The following SLX9 variants were observed in gnomAD, a reference collection of about 807,000 sequenced individuals.
SLX9 encodes ribosome biogenesis protein SLX9 homolog.
Under a neutral mutation model 20.8 loss-of-function variants are expected in SLX9, and 19 were observed. The observed-to-expected ratio is 0.91, with a 90% CI of 0.64 to 1.34. The LOEUF is 1.34. SLX9 is among the 40% of genes most tolerant of loss of function. The probability of loss-of-function intolerance (pLI) is 0.00; values close to 1 mark genes in which losing one functional copy is unlikely to be tolerated. For missense variants in SLX9, 299 were observed against 322.2 expected (o/e 0.93, Z 0.55); for synonymous variants, 113 against 137.1 (o/e 0.82, Z 1.23).
intron 4 of SLX9, 61 bp from the exon 5 acceptor site, chr21:44,973,136 C>A: frequency 6.3e-7 from 1 of 1,589,728 alleles, no homozygotes; most frequent in Non-Finnish European, 8.6e-7. Context: ...CAGCCTCTGC[C>A]CACGGGAAGG....
intron 3 of SLX9, among the ~76,000 whole-genome samples, chr21:44,964,619 C>T (rs571158358): frequency 4.8e-5 from 7 of 146,044 alleles, no homozygotes; most frequent in South Asian, 4.8e-4. Context: ...GCCCTGTGGG[C>T]GGGAGGGTGG....
intron 2 of SLX9, among the ~76,000 whole-genome samples, chr21:44,947,932 A>G (rs1190787193): frequency 6.6e-6 from 1 of 152,184 alleles, no homozygotes; most frequent in Non-Finnish European, 1.5e-5. Context: ...CAGCTCCTCC[A>G]TGTCCGCTCT....
Position 44,961,672 on chromosome 21 carries a change from G to A in SLX9, c.352+1504G>A, listed in dbSNP as rs192804529. On this transcript the variant is annotated intron_variant, in intron 3 of 5. Transcript: ENST00000291634. ...TATTAAATATTCTGTTTTCTTTATCGTTCTTTATTTGTATCTCCACCTTCA... is the reference window on the plus strand; with the variant it reads ...TATTAAATATTCTGTTTTCTTTATCATTCTTTATTTGTATCTCCACCTTCA... 5.3e-4 allele frequency among the ~76,000 whole-genome samples: 81 copies of A among 152,182 alleles called. No homozygotes were observed. The Middle Eastern group carries it at 0.01, about 19-fold the overall frequency.
chr21:44,972,117 G>A (rs1446038353), intron 4 of SLX9, among the ~76,000 whole-genome samples: 3 of 152,064 alleles, frequency 2.0e-5, no homozygotes, highest in African/African-American at 4.8e-5. Flanking sequence ...CTCCTGGCCC[G>A]AGGCTAAGTG....
intron 2 of SLX9, among the ~76,000 whole-genome samples, chr21:44,950,851 AG>A (rs890405436): frequency 1.3e-5 from 2 of 151,688 alleles, no homozygotes; most frequent in African/African-American, 2.4e-5. Flanking sequence ...CATCTGCGAA[AG>A]GGGGGTGTCG....
intron 3 of SLX9, among the ~76,000 whole-genome samples, chr21:44,962,597 A>G (rs751851544): frequency 2.6e-5 from 4 of 152,086 alleles, no homozygotes; most frequent in Non-Finnish European, 4.4e-5. Flanking sequence ...GCTTTTTTCC[A>G]TTTTTAGCTA....
rs963633147 is a variant in SLX9, at chr21:44,952,840, G to A, written c.284-7260G>A. The stretch of plus-strand genomic sequence containing the variant: ...GCTATTTAAGGTTCTTGACATGTTC[G>A]GTTGGTGGGGCCTGGCTGGCAGCAT... On this transcript the variant is annotated intron_variant, in intron 2 of 5. Transcript: ENST00000291634. Among the ~76,000 whole-genome samples, 123 of 152,376 alleles carry A rather than the reference G, an allele frequency of 8.1e-4. 1 individual carries two copies. The highest frequency in any genetic ancestry group is 2.8e-3 in the African/African-American group (115 of 41,588).
intron 3 of SLX9, among the ~76,000 whole-genome samples, chr21:44,961,082 G>A (rs1231499006): frequency 2.0e-5 from 3 of 152,122 alleles, no homozygotes; most frequent in African/African-American, 7.2e-5. Context: ...ATTTCTTAGG[G>A]AAATGATTCA....
chr21:44,960,946 G>A (rs1235854359), intron 3 of SLX9, among the ~76,000 whole-genome samples: 1 of 152,138 alleles, frequency 6.6e-6, no homozygotes, highest in Non-Finnish European at 1.5e-5. Flanking sequence ...TCTTTTTTAT[G>A]TTATCTGCTT....
Position 44,940,108 on chromosome 21 carries a change from G to A in SLX9, c.51G>A (p.Arg17=). ...CCCGAGTGCACCAGGCTGCCGTGAG[G>A]CCGAAAGGGGAGGCCGCCCCCGGCC... ...LRARVHQAAV[R]PKGEAAPGPA... is the part of the protein sequence containing the mutation. The change falls in exon 1 of 6, where the codon AGG becomes AGA. Residue 17 remains arginine, a synonymous_variant. Transcript: ENST00000291634. 1 of 1,408,712 alleles carries A rather than the reference G, an allele frequency of 7.1e-7. No homozygotes were observed. Among genetic ancestry groups the A allele is most frequent in the Non-Finnish European group, 9.3e-7 (1 of 1,074,474 alleles). The allele number at this position is 1,408,712 out of a possible 1,614,324, so 87.3% of individuals were successfully genotyped here.
rs186057333 is a variant in SLX9 at position 44,943,740 on chromosome 21, C to T, written c.186C>T (p.Ala62=). The change falls in exon 2 of 6, where the codon GCC becomes GCT. Residue 62 remains alanine, a synonymous_variant. Transcript: ENST00000291634. ...IFARTKIDPS[A]LVQKLELDVR... The stretch of plus-strand genomic sequence containing the variant: ...CCAGGACCAAGATAGACCCCAGCGC[C>T]TTGGTGCAGAAGCTGGAGCTGGACG... The T allele has an allele frequency of 4.7e-5, 76 of 1,614,212 alleles. No individual in the cohort carries two copies. In the East Asian group the frequency reaches 1.4e-3, roughly 30 times the overall value.
chr21:44,967,014 C>T lies in SLX9; in HGVS notation c.353-20C>T, dbSNP rs780426500. Reference sequence around the variant, plus strand: ...TCCTCTGCCTCTTGTTTGCCTCTAACGTCGTTTCTCCTTCCTTAGAAATCG... The same window carrying T: ...TCCTCTGCCTCTTGTTTGCCTCTAATGTCGTTTCTCCTTCCTTAGAAATCG... On this transcript the variant is annotated intron_variant, in intron 3 of 5. Coordinates refer to ENST00000291634, the MANE Select transcript of SLX9 (RefSeq NM_058190.4). 5.5e-5 allele frequency: 88 copies of T among 1,599,240 alleles called. No individual in the cohort carries two copies. Among genetic ancestry groups the T allele is most frequent in the Non-Finnish European group, 6.8e-5 (80 of 1,173,842 alleles).
intron 4 of SLX9, among the ~76,000 whole-genome samples, chr21:44,972,000 C>G (rs1568946876): frequency 6.6e-6 from 1 of 152,186 alleles, no homozygotes; most frequent in Non-Finnish European, 1.5e-5. Flanking sequence ...TTCCCCAGAT[C>G]AGCGCAGAGC....
intron 4 of SLX9, 46 bp from the exon 5 acceptor site, chr21:44,973,151 T>C (rs764239525): frequency 3.1e-6 from 5 of 1,609,132 alleles, no homozygotes; most frequent in Non-Finnish European, 4.3e-6. Context: ...GGAAGGTGTT[T>C]AGGGGATGCT....
chr21:44,976,826 ACTC>A lies in SLX9; in HGVS notation c.*27_*29del. On this transcript the variant is annotated 3_prime_UTR_variant, in exon 6 of 6. Coordinates refer to ENST00000291634, the MANE Select transcript of SLX9 (RefSeq NM_058190.4). ...TGACCAGGGCAGCGGGCATGCCACA[ACTC>A]CTCAGGACACATGTGGGCCAAGTAG... 2 of 1,540,408 alleles carry A rather than the reference ACTC, an allele frequency of 1.3e-6. No homozygotes were observed. The highest frequency in any genetic ancestry group is 1.7e-6 in the Non-Finnish European group (2 of 1,148,350).
intron 4 of SLX9, among the ~76,000 whole-genome samples, chr21:44,972,780 T>A (rs907907739): frequency 2.0e-5 from 3 of 152,150 alleles, no homozygotes; most frequent in Admixed American, 6.5e-5. Flanking sequence ...CAGGGTCCTT[T>A]GGCCCGAAGT....
In SLX9 at chr21:44,940,183, G is replaced by T. The variant is rs912604315; in HGVS notation, c.126G>T (p.Gly42=). ...CCCCTCCGCCGGCCTCGGCCGCGGG[G>T]AAGGTGAGCTGGGGAGGCGCTGGCC... is the stretch of plus-strand genomic sequence containing the variant. The part of the protein sequence containing the change: ...EATPPPASAA[G]KDWAFINTNI... Residue 42 remains glycine, a synonymous_variant, in exon 1 of 6, where the codon GGG becomes GGT. Transcript: ENST00000291634. 1.1e-5 allele frequency: 14 copies of T among 1,261,836 alleles called. 1 individual carries two copies. The highest frequency in any genetic ancestry group is 1.2e-5 in the Non-Finnish European group (12 of 1,000,240). The allele number at this position is 1,261,836 out of a possible 1,614,324, so 78.2% of individuals were successfully genotyped here.
chr21:44,959,188 C>T lies in SLX9; in HGVS notation c.284-912C>T, dbSNP rs796423327. 22 of 984,974 alleles carry T rather than the reference C, an allele frequency of 2.2e-5. No homozygotes were observed. The South Asian group carries it at 8.9e-4, about 40-fold the overall frequency. The allele number at this position is 984,974 out of a possible 1,614,324, so 61.0% of individuals were successfully genotyped here. ...GCAGAGCGCAGCGACTGCCTTTCTC[C>T]AGGCAGGGCTTGCTTCTGCTTTGTT... On this transcript the variant is annotated intron_variant, in intron 2 of 5. Coordinates refer to ENST00000291634, the MANE Select transcript of SLX9 (RefSeq NM_058190.4).
intron 2 of SLX9, among the ~76,000 whole-genome samples, chr21:44,956,556 C>T (rs1252042039): frequency 6.6e-6 from 1 of 152,228 alleles, no homozygotes; most frequent in African/African-American, 2.4e-5. Flanking sequence ...CTGTAGGCCG[C>T]AGCATCTCCC....
Sources: allele counts gnomAD v4.1 joint callset (sites outside exome capture counted in the v4.1 genomes callset), GRCh38; gene constraint gnomAD v4.1.1; transcripts MANE v1.5; gene names NCBI Gene and HGNC (gene_info 2026-07-23, HGNC 2026-07-21).